FBXL19: variants seen among roughly 807,000 people sequenced by gnomAD.
FBXL19 encodes the protein F-box/LRR-repeat protein 19.
Under a neutral mutation model 71.2 loss-of-function variants are expected in FBXL19, and 16 were observed. The ratio of observed to expected loss-of-function variants is 0.22; its 90% CI spans 0.15 to 0.34. FBXL19 has a LOEUF of 0.34. FBXL19 is among the 10% of genes least tolerant of loss of function. FBXL19 has a pLI of 1.00. For synonymous variants in FBXL19, 447 were observed against 409.4 expected (o/e 1.09, Z -1.11); for missense variants, 658 against 968.2 (o/e 0.68, Z 4.25).
Position 30,946,457 on chromosome 16 carries a change from G to C in FBXL19, c.1628-273G>C, listed in dbSNP as rs996462004. ...TGACCTCAAGTGAGCCGCCTGCCTC[G>C]GCTTCCCAAAGTGCTAGGATTACAG... On this transcript the variant is annotated intron_variant, in intron 9 of 10. Coordinates refer to ENST00000338343, the MANE Select transcript of FBXL19 (RefSeq NM_001382779.1). The surrounding 1 kb of genome is among the most constrained non-coding windows in gnomAD (Gnocchi z 6.7). Among the ~76,000 whole-genome samples the C allele has an allele frequency of 6.6e-6, 1 of 152,166 alleles. No homozygotes were observed. The highest frequency in any genetic ancestry group is 6.5e-5 in the Admixed American group (1 of 15,274).
chr16:30,923,301 C>T (rs1464091678), upstream of FBXL19: 1 of 434,634 alleles, frequency 2.3e-6, no homozygotes, highest in African/African-American at 2.0e-5. Context: ...CAACGGGACT[C>T]TAACTCCCGG....
intron 7 of FBXL19, among the ~76,000 whole-genome samples, chr16:30,940,860 G>T (rs1236484150): frequency 1.3e-5 from 2 of 152,092 alleles, no homozygotes; most frequent in African/African-American, 4.8e-5. Flanking sequence ...TAGAGACAGG[G>T]TTTCACTAGT....
At position 30,948,137 on chromosome 16, in the gene FBXL19, C is replaced by G. The variant is rs2055884122; in HGVS notation, c.*907C>G. 4.7e-6 allele frequency: 1 copy of G among 213,466 alleles called. No individual in the cohort carries two copies. The highest frequency in any genetic ancestry group is 2.4e-5 in the African/African-American group (1 of 42,500). The allele number at this position is 213,466 out of a possible 1,614,324, so 13.2% of individuals were successfully genotyped here. Reference sequence around the variant, plus strand: ...GCCGGTGGGCGCCCATTTGGGACTGCGCCACCCCCAGGCTTGTTCTTGTTT... The same window carrying G: ...GCCGGTGGGCGCCCATTTGGGACTGGGCCACCCCCAGGCTTGTTCTTGTTT... On this transcript the variant is annotated 3_prime_UTR_variant, in exon 11 of 11. Coordinates refer to ENST00000338343, the MANE Select transcript of FBXL19 (RefSeq NM_001382779.1).
chr16:30,936,308 C>G (rs561843477), intron 7 of FBXL19, among the ~76,000 whole-genome samples: 1 of 152,272 alleles, frequency 6.6e-6, no homozygotes, highest in East Asian at 1.9e-4. Flanking sequence ...TGCAGCTCCA[C>G]TCTTGCCTCT....
At chr16:30,936,596 T>G (rs955596602) in intron 7 of FBXL19, among the ~76,000 whole-genome samples, 1 of 143,550 alleles carries the variant, frequency 7.0e-6, no homozygotes, top group African/African-American at 2.8e-5. Flanking sequence ...TGGCTAATTT[T>G]TTTTCTTTTT....
chr16:30,940,422 G>GAA (rs767802078), intron 7 of FBXL19, among the ~76,000 whole-genome samples: 123 of 124,336 alleles, frequency 9.9e-4, no homozygotes, highest in African/African-American at 3.5e-3. Context: ...ACTGTCTCAA[G>GAA]AAAAAAAAAA....
At chr16:30,924,751 G>A (rs1262416294) in intron 1 of FBXL19, 18 of 1,488,976 alleles carry the variant, frequency 1.2e-5, no homozygotes, top group Non-Finnish European at 1.4e-5. Flanking sequence ...GAAAGTCCCC[G>A]GAAAGGGGGA....
In FBXL19 at chr16:30,942,156, C is replaced by A; in HGVS notation, c.1342C>A (p.Arg448=). 1 of 1,598,998 alleles carries A rather than the reference C, an allele frequency of 6.3e-7. No homozygotes were observed. The highest frequency in any genetic ancestry group is 8.5e-7 in the Non-Finnish European group (1 of 1,172,456). Residue 448 remains arginine, a synonymous_variant, in exon 8 of 11, where the codon CGG becomes AGG. Transcript: ENST00000338343. The surrounding 1 kb of genome is among the most constrained non-coding windows in gnomAD (Gnocchi z 5.7). ...TCTGTGGCCTCGAATGGACCTGAGC[C>A]GGCGGAAGTCACTGACCCCGCCCAT... ...KRLWPRMDLS[R]RKSLTPPMLS...
At position 30,942,177 on chromosome 16, in the gene FBXL19, C is replaced by T. The variant is rs764102349; in HGVS notation, c.1363C>T (p.Pro455Ser). The T allele has an allele frequency of 6.3e-6, 10 of 1,597,192 alleles. No homozygotes were observed. In the Admixed American group the frequency reaches 1.4e-4, roughly 22 times the overall value. The change falls in exon 8 of 11, where the codon CCC becomes TCC. Residue 455 changes from proline (P) to serine (S), a missense_variant. Transcript: ENST00000338343. The surrounding 1 kb of genome is among the most constrained non-coding windows in gnomAD (Gnocchi z 5.7). ...DLSRRKSLTP[P>S]MLSGVVRRQP... ...GAGCCGGCGGAAGTCACTGACCCCG[C>T]CCATGCTCAGTGGTGTGGTTCGCCG... is the stretch of plus-strand genomic sequence containing the variant.
chr16:30,939,083 T>C (rs1374157671), intron 7 of FBXL19, among the ~76,000 whole-genome samples: 1 of 151,304 alleles, frequency 6.6e-6, no homozygotes, highest in Non-Finnish European at 1.5e-5. Context: ...TTTATTTATT[T>C]ATTTTTGAGA....
In FBXL19 at chr16:30,925,883, G is replaced by T. The variant is rs1205400672; in HGVS notation, c.129G>T (p.Gly43=). Residue 43 remains glycine (G), a synonymous_variant, in exon 2 of 11, where the codon GGG becomes GGT. Transcript: ENST00000338343. The surrounding 1 kb of genome is among the most constrained non-coding windows in gnomAD (Gnocchi z 5.0). ...TCTGCCGAGACATGAAGAAGTTCGG[G>T]GGGCCCGGGCGCATGAAGCAGTCGT... The part of the protein sequence containing the change: ...CHFCRDMKKF[G]GPGRMKQSCL... The T allele has an allele frequency of 3.3e-6, 5 of 1,506,466 alleles. No homozygotes were observed. Among genetic ancestry groups the T allele is most frequent in the Non-Finnish European group, 4.4e-6 (5 of 1,132,306 alleles). The allele number at this position is 1,506,466 out of a possible 1,614,324, so 93.3% of individuals were successfully genotyped here.
At chr16:30,931,928 A>T (rs1400988299) in intron 7 of FBXL19, among the ~76,000 whole-genome samples, 14 of 146,982 alleles carry the variant, frequency 9.5e-5, no homozygotes, top group Non-Finnish European at 1.3e-4. Flanking sequence ...TTTAGTAGAG[A>T]CAGGGTATCA....
Position 30,942,475 on chromosome 16 carries a change from C to G in FBXL19, c.1566C>G (p.Ile522Met). The G allele has an allele frequency of 1.2e-6, 2 of 1,601,048 alleles. No individual in the cohort carries two copies. Among genetic ancestry groups the G allele is most frequent in the Non-Finnish European group, 1.7e-6 (2 of 1,174,270 alleles). The change falls in exon 9 of 11, where the codon ATC becomes ATG. Residue 522 changes from isoleucine to methionine, a missense_variant. Physicochemically the swap from Ile to Met is conservative, Grantham distance 10 (BLOSUM62 1). This residue lies in a region of FBXL19 where 21 missense variants were observed against 45.1 expected (regional missense o/e 0.47). Coordinates refer to ENST00000338343, the MANE Select transcript of FBXL19 (RefSeq NM_001382779.1). The surrounding 1 kb of genome is among the most constrained non-coding windows in gnomAD (Gnocchi z 5.7). ...TGCGGCTCCTGGACCTCCGCTGGAT[C>G]GAGGATGTTAAAGACTCCCAGCTCC... Reference protein sequence around the residue: ...PALRLLDLRWIEDVKDSQLRE... With the variant: ...PALRLLDLRWMEDVKDSQLRE...
At chr16:30,929,975 G>A in intron 6 of FBXL19, 98 bp from the exon 7 acceptor site, 2 of 1,481,016 alleles carry the variant, frequency 1.4e-6, no homozygotes, top group Non-Finnish European at 1.8e-6. Context: ...ACTCAGGACT[G>A]TCCCTCGGGC....
intron 7 of FBXL19, among the ~76,000 whole-genome samples, chr16:30,934,492 T>C (rs550240260): frequency 6.6e-6 from 1 of 152,088 alleles, no homozygotes; most frequent in South Asian, 2.1e-4. Context: ...ACCCTGTCTC[T>C]GCTAAAAATA....
At position 30,947,196 on chromosome 16, in the gene FBXL19, G is replaced by A. The variant is rs1248167771; in HGVS notation, c.1991G>A (p.Cys664Tyr). 1 of 1,597,808 alleles carries A rather than the reference G, an allele frequency of 6.3e-7. No individual in the cohort carries two copies. Among genetic ancestry groups the A allele is most frequent in the South Asian group, 1.1e-5 (1 of 90,922 alleles). ...AAAGPPGPFR[C>Y]PEEKLLLKDS Reference sequence around the variant, plus strand: ...GCCGGGCCCCCTGGCCCCTTCCGCTGCCCTGAGGAGAAGCTGCTTCTCAAG... The same window carrying A: ...GCCGGGCCCCCTGGCCCCTTCCGCTACCCTGAGGAGAAGCTGCTTCTCAAG... Residue 664 changes from cysteine to tyrosine, a missense_variant, in exon 11 of 11, where the codon TGC becomes TAC. Cys to Tyr is a radical substitution (Grantham distance 194). Transcript: ENST00000338343.
At chr16:30,929,977 C>A in intron 6 of FBXL19, 96 bp from the exon 7 acceptor site, 3 of 1,490,646 alleles carry the variant, frequency 2.0e-6, no homozygotes, top group South Asian at 2.6e-5. Flanking sequence ...TCAGGACTGT[C>A]CCTCGGGCTG....
In FBXL19 at chr16:30,945,479, G is replaced by C. The variant is rs951028185; in HGVS notation, c.1628-1251G>C. Reference sequence around the variant, plus strand: ...GTTTGAGACCAGCCTGGCCAACATGGTGAAACCCCATCTCTACTAAAAAAA... The same window carrying C: ...GTTTGAGACCAGCCTGGCCAACATGCTGAAACCCCATCTCTACTAAAAAAA... On this transcript the variant is annotated intron_variant, in intron 9 of 10. Transcript: ENST00000338343. 2.0e-5 allele frequency among the ~76,000 whole-genome samples: 3 copies of C among 151,686 alleles called. No individual in the cohort carries two copies. The East Asian group carries it at 5.8e-4, about 29-fold the overall frequency.
rs770072866 is a variant in FBXL19 at position 30,925,721 on chromosome 16, C to G, written c.-24-10C>G. On this transcript the variant is annotated splice_polypyrimidine_tract_variant and intron_variant, in intron 1 of 10. Transcript: ENST00000338343. This position sits in a 1 kb window ranked among gnomAD's most constrained non-coding sequence, Gnocchi z 5.0. ...TGGGCCCATCTGACCCTGCCACCAT[C>G]CACCTACAGCCCTCGGCGTTGCTGA... 100 of 1,490,924 alleles carry G rather than the reference C, an allele frequency of 6.7e-5. No individual in the cohort carries two copies. Among genetic ancestry groups the G allele is most frequent in the Non-Finnish European group, 8.8e-5 (99 of 1,126,330 alleles). 92.4% of individuals were successfully genotyped at this position (1,490,924 alleles called of 1,614,324 possible).
Sources: allele counts gnomAD v4.1 joint callset (sites outside exome capture counted in the v4.1 genomes callset), GRCh38; gene constraint gnomAD v4.1.1; regional missense constraint gnomAD v4.1.1; non-coding constraint Gnocchi (gnomAD v3.1); transcripts MANE v1.5; gene names NCBI Gene and HGNC (gene_info 2026-07-23, HGNC 2026-07-21).